The following RAD51B variants were observed in gnomAD, a reference collection of about 807,000 sequenced individuals.
RAD51B encodes the protein RAD51 paralog B.
Under a neutral mutation model 42.2 loss-of-function variants are expected in RAD51B, and 38 were observed. The ratio of observed to expected loss-of-function variants is 0.90; its 90% CI spans 0.70 to 1.18. The LOEUF (loss-of-function observed/expected upper bound fraction) is 1.18, where lower values mean the gene tolerates loss of function less well. Among genes scored for constraint, RAD51B ranks in the 50% most tolerant of loss-of-function variants. RAD51B has a pLI of 0.00. For synonymous variants in RAD51B, 154 were observed against 145.2 expected, an observed-to-expected ratio of 1.06 and a Z score of -0.43; for missense variants, 373 against 400.7, an observed-to-expected ratio of 0.93 and a Z score of 0.59.
downstream of RAD51B, among the ~76,000 whole-genome samples, chr14:68,600,330 G>A (rs1891166743): frequency 6.6e-6 from 1 of 152,188 alleles, no homozygotes; most frequent in African/African-American, 2.4e-5. Flanking sequence ...GGAGATTTAG[G>A]GCCTAATTAA....
chr14:68,578,746 C>T (rs146421212), intron 10 of RAD51B, among the ~76,000 whole-genome samples: 150 of 152,352 alleles, frequency 9.8e-4, no homozygotes, highest in African/African-American at 3.2e-3. Context: ...GGTCTGGACT[C>T]AGGTACCCTG....
intron 9 of RAD51B, among the ~76,000 whole-genome samples, chr14:68,467,711 C>T (rs766173352): frequency 6.6e-6 from 1 of 152,232 alleles, no homozygotes; most frequent in Non-Finnish European, 1.5e-5. Context: ...GGTGAAGGAC[C>T]AGGGCCAACA....
intron 10 of RAD51B, among the ~76,000 whole-genome samples, chr14:68,558,270 C>T (rs918435600): frequency 1.3e-5 from 2 of 152,190 alleles, no homozygotes; most frequent in Admixed American, 6.5e-5. Context: ...GAGAGAAAGC[C>T]GGGAAGAGGG....
chr14:68,003,961 G>A (rs1192726915), intron 7 of RAD51B, among the ~76,000 whole-genome samples: 1 of 152,038 alleles, frequency 6.6e-6, no homozygotes, highest in Admixed American at 6.6e-5. Flanking sequence ...TAAATCATAT[G>A]GCTTTTTTAT....
chr14:68,382,545 A>G (rs2139990624), intron 8 of RAD51B, among the ~76,000 whole-genome samples: 1 of 152,354 alleles, frequency 6.6e-6, no homozygotes, highest in East Asian at 1.9e-4. Context: ...AGATGACACT[A>G]TGTCAGGCTC....
chr14:67,973,891 C>T (rs1219811530), intron 7 of RAD51B, among the ~76,000 whole-genome samples: 1 of 152,084 alleles, frequency 6.6e-6, no homozygotes, highest in Non-Finnish European at 1.5e-5. Flanking sequence ...GTAACTTCAC[C>T]TCATTTTCTT....
chr14:68,445,849 T>C (rs562256523), intron 9 of RAD51B, among the ~76,000 whole-genome samples: 1 of 152,326 alleles, frequency 6.6e-6, no homozygotes, highest in African/African-American at 2.4e-5. Context: ...GGATCAACTA[T>C]CCTCCAGAGC....
chr14:68,414,455 C>T (rs1443023809), intron 9 of RAD51B, among the ~76,000 whole-genome samples: 2 of 152,194 alleles, frequency 1.3e-5, no homozygotes, highest in Non-Finnish European at 2.9e-5. Context: ...AATGGCCTCT[C>T]CTACTTTTTG....
intron 7 of RAD51B, among the ~76,000 whole-genome samples, chr14:68,150,241 G>A (rs1949422058): frequency 6.6e-6 from 1 of 152,202 alleles, no homozygotes; most frequent in South Asian, 2.1e-4. Context: ...ACCGTGCCCA[G>A]CCTGAAGACT....
chr14:68,247,295 A>AAAATTAC (rs1250601113), intron 7 of RAD51B, among the ~76,000 whole-genome samples: 5 of 152,204 alleles, frequency 3.3e-5, no homozygotes, highest in African/African-American at 1.2e-4. Context: ...GACATTTCTG[A>AAAATTAC]AAATTACATT....
chr14:68,383,399 G>T (rs1319857701), intron 8 of RAD51B, among the ~76,000 whole-genome samples: 1 of 152,148 alleles, frequency 6.6e-6, no homozygotes, highest in Non-Finnish European at 1.5e-5. Flanking sequence ...TAAACAGGAT[G>T]GTCCCTCCAA....
intron 8 of RAD51B, among the ~76,000 whole-genome samples, chr14:68,310,028 G>GT (rs1006448353): frequency 3.3e-5 from 5 of 152,294 alleles, no homozygotes; most frequent in East Asian, 3.9e-4. Context: ...TTTGATTCAG[G>GT]TTTTTTTATG....
chr14:67,941,064 A>T (rs935954633), intron 7 of RAD51B, among the ~76,000 whole-genome samples: 3 of 152,156 alleles, frequency 2.0e-5, no homozygotes, highest in African/African-American at 7.2e-5. Flanking sequence ...GTTTAGTCAC[A>T]TGTGCTTCTT....
chr14:68,147,614 T>C (rs1040322061), intron 7 of RAD51B, among the ~76,000 whole-genome samples: 1 of 152,208 alleles, frequency 6.6e-6, no homozygotes, highest in East Asian at 1.9e-4. Flanking sequence ...TGCCCAATTG[T>C]ATCCCCTTCA....
At chr14:68,212,330 A>T (rs1223379284) in intron 7 of RAD51B, among the ~76,000 whole-genome samples, 2 of 152,244 alleles carry the variant, frequency 1.3e-5, no homozygotes, top group African/African-American at 4.8e-5. Context: ...AAAGGATATT[A>T]TCTTTACACT....
At chr14:67,899,986 T>C (rs967598283) in intron 7 of RAD51B, among the ~76,000 whole-genome samples, 1 of 152,206 alleles carries the variant, frequency 6.6e-6, no homozygotes, top group Non-Finnish European at 1.5e-5. Context: ...TCAAAATTAT[T>C]CTATTCCCTT....
chr14:68,624,040 G>A (rs183169750), intron 10 of RAD51B, among the ~76,000 whole-genome samples: 1 of 152,308 alleles, frequency 6.6e-6, no homozygotes, highest in East Asian at 1.9e-4. Context: ...TCTGAAAGAC[G>A]AGGGGAAGTC....
At chr14:68,024,348 A>G (rs2075917609) in intron 7 of RAD51B, among the ~76,000 whole-genome samples, 2 of 152,170 alleles carry the variant, frequency 1.3e-5, no homozygotes, top group African/African-American at 4.8e-5. Flanking sequence ...GAATTTTAGA[A>G]TAGTTTTTTC....
intron 9 of RAD51B, chr14:68,421,878 T>C: frequency 1.3e-6 from 2 of 1,593,888 alleles, no homozygotes; most frequent in Admixed American, 1.7e-5. Flanking sequence ...ACCATTTGTG[T>C]TGGGTCCAGC....
Sources: allele counts gnomAD v4.1 joint callset (sites outside exome capture counted in the v4.1 genomes callset), GRCh38; gene constraint gnomAD v4.1.1; transcripts MANE v1.5; gene names NCBI Gene and HGNC (gene_info 2026-07-23, HGNC 2026-07-21).